Variants in ADAM20 observed in about 807,000 individuals in gnomAD.
The protein encoded by ADAM20 is ADAM metallopeptidase domain 20.
For synonymous variants in ADAM20, 305 were observed against 310.2 expected, an observed-to-expected ratio of 0.98 and a Z score of 0.18; for missense variants, 871 against 883.2, an observed-to-expected ratio of 0.99 and a Z score of 0.18.
At chr14:70,553,781 T>C in the ADAM20 span, among the ~76,000 whole-genome samples, 281 of 151,402 alleles carry the variant, frequency 1.9e-3, no homozygotes, top group Middle Eastern at 0.02. Context: ...AAAAGGAACA[T>C]ACCTCAACAT....
At chr14:70,535,911 TA>T (rs1467004148), upstream of ADAM20, among the ~76,000 whole-genome samples, 1 of 152,170 alleles carries the variant, frequency 6.6e-6, no homozygotes, top group Non-Finnish European at 1.5e-5. Context: ...AACGAAATTG[TA>T]AGAGATATAA....
At chr14:70,541,116 C>G in the ADAM20 span, among the ~76,000 whole-genome samples, 3 of 152,166 alleles carry the variant, frequency 2.0e-5, no homozygotes, top group African/African-American at 7.2e-5. Context: ...ATGGTAAATT[C>G]TTGTCCTAAA....
upstream of ADAM20, among the ~76,000 whole-genome samples, chr14:70,536,464 T>TAAAAA (rs1883835007): frequency 9.2e-5 from 1 of 10,822 alleles, no homozygotes; most frequent in African/African-American, 4.1e-4. Flanking sequence ...AAACTCTGTC[T>TAAAAA]CAAAAAAAAA....
At chr14:70,557,421 G>A in the ADAM20 span, 2 of 152,182 alleles carry the variant, frequency 1.3e-5, no homozygotes, top group Non-Finnish European at 2.9e-5. Flanking sequence ...GCTCTATGGG[G>A]TAGTCTCCTT....
Position 70,524,971 on chromosome 14 carries a change from G to A in ADAM20, c.-176-38C>T, listed in dbSNP as rs140900259. On this transcript the variant is annotated intron_variant, in intron 1 of 1. Coordinates refer to ENST00000256389, the MANE Select transcript of ADAM20 (RefSeq NM_003814.5). ...GGATGGGGTGGGTGGGATAGAAAGG[G>A]AGAAAGAGAGAGAGAAAAAAGGCAA... 7.0e-4 allele frequency: 1,040 copies of A among 1,492,760 alleles called. 4 individuals are homozygous for A. The highest frequency in any genetic ancestry group is 6.3e-3 in the Middle Eastern group (25 of 3,968). 92.5% of individuals were successfully genotyped at this position (1,492,760 alleles called of 1,614,324 possible). A position where few individuals can be genotyped will look rare whatever the true frequency, so the allele number is the denominator to read the frequency against.
the ADAM20 span, among the ~76,000 whole-genome samples, chr14:70,574,358 A>G: frequency 6.6e-6 from 1 of 152,180 alleles, no homozygotes; most frequent in East Asian, 1.9e-4. Context: ...ACATTAAGAA[A>G]GAAGAGGCCG....
At chr14:70,556,850 A>G in the ADAM20 span, 1 of 152,230 alleles carries the variant, frequency 6.6e-6, no homozygotes, top group Non-Finnish European at 1.5e-5. Context: ...ATACCTCAAA[A>G]AACAAAAAGA....
the ADAM20 span, among the ~76,000 whole-genome samples, chr14:70,554,495 G>A: frequency 9.2e-3 from 1,406 of 152,136 alleles, 25 homozygotes; most frequent in African/African-American, 0.032. Context: ...AATGTCTGTC[G>A]ACAGATGAAT....
chr14:70,553,830 T>C, the ADAM20 span, among the ~76,000 whole-genome samples: 2 of 151,716 alleles, frequency 1.3e-5, no homozygotes, highest in African/African-American at 4.8e-5. Flanking sequence ...ACAGCTAGCA[T>C]CATGAATGGG....
At chr14:70,553,525 T>TAAAAAA in the ADAM20 span, among the ~76,000 whole-genome samples, 34 of 56,968 alleles carry the variant, frequency 6.0e-4, no homozygotes, top group Non-Finnish European at 1.1e-3. Flanking sequence ...GCAAAAATCC[T>TAAAAAA]AAAAAAAAAA....
chr14:70,541,620 C>A, the ADAM20 span, among the ~76,000 whole-genome samples: 1 of 152,088 alleles, frequency 6.6e-6, no homozygotes, highest in Non-Finnish European at 1.5e-5. Context: ...ACATTAATAG[C>A]ACACTAATAT....
chr14:70,525,179 C>A (rs913163244), intron 1 of ADAM20, among the ~76,000 whole-genome samples: 7 of 151,966 alleles, frequency 4.6e-5, no homozygotes, highest in African/African-American at 1.4e-4. Flanking sequence ...AATGGCAAGA[C>A]ATTTTCCATT....
At chr14:70,560,058 T>A in the ADAM20 span, among the ~76,000 whole-genome samples, 1 of 152,192 alleles carries the variant, frequency 6.6e-6, no homozygotes, top group African/African-American at 2.4e-5. Flanking sequence ...TCTCAAAATA[T>A]GTTTTCATCC....
At chr14:70,557,751 A>ATT in the ADAM20 span, among the ~76,000 whole-genome samples, 10,503 of 145,410 alleles carry the variant, frequency 0.072, 623 homozygotes, top group East Asian at 0.36. Context: ...TTCTTAAAAC[A>ATT]TTTTTTTTTT....
the ADAM20 span, among the ~76,000 whole-genome samples, chr14:70,575,861 C>T: frequency 6.6e-6 from 1 of 151,956 alleles, no homozygotes; most frequent in African/African-American, 2.4e-5. Context: ...CAAAATGAGC[C>T]TTAAAAAGGA....
In ADAM20 at chr14:70,534,411, A is replaced by G. The variant is rs376928274; in HGVS notation, c.-177+386T>C. Among the ~76,000 whole-genome samples the G allele has an allele frequency of 2.3e-4, 35 of 152,266 alleles. No homozygotes were observed. The South Asian group carries it at 6.4e-3, about 28-fold the overall frequency. ...CTCTTGAAGATATCTTTGCATTCCC[A>G]TGTTAACTGCAGCATTATTTACAAT... On this transcript the variant is annotated intron_variant, in intron 1 of 1. Coordinates refer to ENST00000256389, the MANE Select transcript of ADAM20 (RefSeq NM_003814.5).
chr14:70,570,834 T>A, the ADAM20 span, among the ~76,000 whole-genome samples: 1 of 152,172 alleles, frequency 6.6e-6, no homozygotes, highest in Non-Finnish European at 1.5e-5. Context: ...CAATATACTT[T>A]CTGAACATAG....
chr14:70,563,315 G>T, the ADAM20 span, among the ~76,000 whole-genome samples: 1 of 152,148 alleles, frequency 6.6e-6, no homozygotes, highest in East Asian at 1.9e-4. Flanking sequence ...GCAAGCAGGG[G>T]AGAGAGACAT....
At chr14:70,566,251 A>G in the ADAM20 span, among the ~76,000 whole-genome samples, 1 of 152,244 alleles carries the variant, frequency 6.6e-6, no homozygotes, top group Non-Finnish European at 1.5e-5. Context: ...GAACTATAAC[A>G]ATTAATGGAT....
Sources: allele counts gnomAD v4.1 joint callset (sites outside exome capture counted in the v4.1 genomes callset), GRCh38; gene constraint gnomAD v4.1.1; transcripts MANE v1.5; gene names NCBI Gene and HGNC (gene_info 2026-07-23, HGNC 2026-07-21).